Variants in ODAD2 observed in about 807,000 individuals in gnomAD.
ODAD2 encodes the protein outer dynein arm docking complex subunit 2.
In ODAD2, 89 loss-of-function variants were observed where a neutral mutation model predicts 106.8. The ratio of observed to expected loss-of-function variants is 0.83; its 90% CI spans 0.70 to 0.99. The LOEUF (loss-of-function observed/expected upper bound fraction) is 0.99, where lower values mean the gene tolerates loss of function less well. Among genes scored for constraint, ODAD2 ranks in the 50% least tolerant of loss-of-function variants. ODAD2 has a pLI of 0.00. For missense variants in ODAD2, 1,168 were observed against 1,238.5 expected (o/e 0.94, Z 0.85); for synonymous variants, 404 against 436.2 (o/e 0.93, Z 0.92).
At chr10:27,990,154 T>C (rs1447665419) in intron 2 of ODAD2, among the ~76,000 whole-genome samples, 2 of 147,804 alleles carry the variant, frequency 1.4e-5, no homozygotes. Flanking sequence ...TTTAGTGTCC[T>C]TTTTTTTTTA....
At chr10:27,937,254 T>C (rs1846050976) in intron 14 of ODAD2, among the ~76,000 whole-genome samples, 2 of 152,132 alleles carry the variant, frequency 1.3e-5, no homozygotes, top group African/African-American at 4.8e-5. Context: ...AGAAGACAGA[T>C]GAGTGATAGG....
intron 10 of ODAD2, among the ~76,000 whole-genome samples, chr10:27,956,727 C>A (rs1301517185): frequency 1.3e-5 from 2 of 152,190 alleles, no homozygotes; most frequent in Admixed American, 6.5e-5. Flanking sequence ...CCCACTCCAC[C>A]TTCAATCCAC....
At chr10:27,879,667 G>T (rs1841575417) in intron 17 of ODAD2, among the ~76,000 whole-genome samples, 1 of 152,056 alleles carries the variant, frequency 6.6e-6, no homozygotes, top group African/African-American at 2.4e-5. Flanking sequence ...TTCAATTTAT[G>T]AAGAGATTGT....
chr10:27,948,185 A>C (rs1276867037), intron 10 of ODAD2, among the ~76,000 whole-genome samples: 5 of 152,200 alleles, frequency 3.3e-5, no homozygotes, highest in Non-Finnish European at 7.3e-5. Flanking sequence ...TTATAGAAAA[A>C]AATTCTGTAA....
chr10:27,976,521 C>T (rs944338408), intron 7 of ODAD2, among the ~76,000 whole-genome samples: 1 of 151,872 alleles, frequency 6.6e-6, no homozygotes, highest in African/African-American at 2.4e-5. Flanking sequence ...AAATATGAAA[C>T]ACAGATAAGT....
At chr10:27,893,957 C>T (rs1842715134) in intron 17 of ODAD2, among the ~76,000 whole-genome samples, 2 of 151,992 alleles carry the variant, frequency 1.3e-5, no homozygotes, top group South Asian at 4.2e-4. Flanking sequence ...TGAGATCATC[C>T]TGGGCAACAG....
intron 17 of ODAD2, among the ~76,000 whole-genome samples, chr10:27,879,940 G>A (rs935232714): frequency 2.0e-5 from 3 of 152,014 alleles, no homozygotes; most frequent in Non-Finnish European, 4.4e-5. Context: ...CTCATTTATC[G>A]AAGTTCCTCT....
chr10:27,863,095 ATTTCTG>A (rs1182126447), intron 17 of ODAD2, among the ~76,000 whole-genome samples: 3 of 152,192 alleles, frequency 2.0e-5, no homozygotes, highest in African/African-American at 7.2e-5. Context: ...TTTTATGTGT[ATTTCTG>A]TTTGAAGACA....
chr10:27,995,152 C>G lies in ODAD2; in HGVS notation c.-10G>C, dbSNP rs113832406. ...TCAGAGCCACACCCATGGGATCCAC[C>G]GTGCTCAGACCTGAGCTTAGCACAC... On this transcript the variant is annotated 5_prime_UTR_variant, in exon 2 of 20. Coordinates refer to ENST00000305242, the MANE Select transcript of ODAD2 (RefSeq NM_018076.5). The G allele has an allele frequency of 1.2e-6, 2 of 1,614,094 alleles. No homozygotes were observed. Among genetic ancestry groups the G allele is most frequent in the African/African-American group, 1.3e-5 (1 of 75,030 alleles).
intron 17 of ODAD2, among the ~76,000 whole-genome samples, chr10:27,868,912 A>G (rs2133404800): frequency 6.6e-6 from 1 of 152,114 alleles, no homozygotes; most frequent in South Asian, 2.1e-4. Context: ...AAGGAGCAAA[A>G]TCATGCTCTT....
At chr10:27,855,483 G>A (rs182595090) in intron 19 of ODAD2, among the ~76,000 whole-genome samples, 9 of 152,110 alleles carry the variant, frequency 5.9e-5, no homozygotes, top group Non-Finnish European at 1.2e-4. Context: ...GTCTGGAATG[G>A]GAGAAAAACA....
chr10:27,939,567 T>G (rs968302675), intron 14 of ODAD2, among the ~76,000 whole-genome samples: 1 of 151,368 alleles, frequency 6.6e-6, no homozygotes, highest in Non-Finnish European at 1.5e-5. Context: ...CTACCAAAAA[T>G]ACAAAAACAA....
At chr10:27,864,543 C>T (rs112954149) in intron 17 of ODAD2, among the ~76,000 whole-genome samples, 2,002 of 130,068 alleles carry the variant, frequency 0.015, 51 homozygotes, top group African/African-American at 0.057. Context: ...GAGGTGAGAG[C>T]GGGGAGTGAG....
At chr10:27,912,048 T>C (rs1482235679) in intron 16 of ODAD2, among the ~76,000 whole-genome samples, 1 of 152,224 alleles carries the variant, frequency 6.6e-6, no homozygotes, top group African/African-American at 2.4e-5. Flanking sequence ...CATTTGAAGT[T>C]GTCTCTAAGT....
At chr10:27,870,058 T>C (rs1025541022) in intron 17 of ODAD2, among the ~76,000 whole-genome samples, 7 of 152,104 alleles carry the variant, frequency 4.6e-5, no homozygotes, top group Non-Finnish European at 8.8e-5. Flanking sequence ...AGGAATGATG[T>C]TAACACAAGT....
intron 17 of ODAD2, among the ~76,000 whole-genome samples, chr10:27,890,631 T>C (rs1312040678): frequency 2.0e-5 from 3 of 152,000 alleles, no homozygotes; most frequent in Non-Finnish European, 2.9e-5. Context: ...AGTGGAGAGA[T>C]AGGGAGGAGA....
chr10:27,942,032 G>C (rs1846490928), intron 12 of ODAD2, among the ~76,000 whole-genome samples: 1 of 152,162 alleles, frequency 6.6e-6, no homozygotes, highest in Admixed American at 6.6e-5. Context: ...TCCAGGTACT[G>C]ACTGCAGGTG....
At chr10:27,948,778 G>GCTTTTTT (rs1847115638) in intron 10 of ODAD2, among the ~76,000 whole-genome samples, 2 of 39,236 alleles carry the variant, frequency 5.1e-5, no homozygotes, top group Non-Finnish European at 1.2e-4. Flanking sequence ...TTGGCCTTTG[G>GCTTTTTT]ATTTTTTTTT....
At chr10:27,850,630 T>C (rs1839189959) in intron 19 of ODAD2, among the ~76,000 whole-genome samples, 1 of 152,110 alleles carries the variant, frequency 6.6e-6, no homozygotes, top group South Asian at 2.1e-4. Flanking sequence ...TAACTTTCTA[T>C]AAATTTATTC....
Sources: gnomAD v4.1 joint callset for allele counts (sites outside exome capture counted in the v4.1 genomes callset) on GRCh38, gnomAD v4.1.1 for gene constraint, MANE v1.5 for transcripts, NCBI Gene and HGNC (gene_info 2026-07-23, HGNC 2026-07-21) for gene names.